GALNT17: variants seen among roughly 807,000 people sequenced by gnomAD.
GALNT17 encodes polypeptide N-acetylgalactosaminyltransferase 17, also known as UDP-GalNAc:polypeptide N-acetylgalactosaminyltransferase-like 3.
GALNT17 carries 29 observed loss-of-function variants against 63.7 expected under a neutral mutation model. The observed-to-expected ratio is 0.46, with a 90% CI of 0.34 to 0.62. The LOEUF (loss-of-function observed/expected upper bound fraction) is 0.62. Among genes scored for constraint, GALNT17 ranks in the 20% least tolerant of loss-of-function variants. GALNT17 has a pLI of 0.01. For missense variants in GALNT17, 603 were observed against 799.6 expected (o/e 0.75, Z 2.97); for synonymous variants, 305 against 318.3 (o/e 0.96, Z 0.45).
At chr7:71,647,602 T>A (rs931121135) in intron 6 of GALNT17, among the ~76,000 whole-genome samples, 1 of 152,208 alleles carries the variant, frequency 6.6e-6, no homozygotes, top group African/African-American at 2.4e-5. Flanking sequence ...GGCTCTGTTT[T>A]CTGCAAGCCT....
chr7:71,632,180 A>G (rs1400659490), intron 6 of GALNT17, among the ~76,000 whole-genome samples: 2 of 152,182 alleles, frequency 1.3e-5, no homozygotes, highest in African/African-American at 4.8e-5. Flanking sequence ...ATTAAGGCTC[A>G]AGATAAGGAA....
At chr7:71,213,430 TA>T (rs1789418834) in intron 1 of GALNT17, among the ~76,000 whole-genome samples, 1 of 150,852 alleles carries the variant, frequency 6.6e-6, no homozygotes, top group African/African-American at 2.4e-5. Flanking sequence ...GGTATTTATT[TA>T]TATGTTTCAT....
chr7:71,246,875 A>T (rs1790109169), intron 1 of GALNT17, among the ~76,000 whole-genome samples: 1 of 149,076 alleles, frequency 6.7e-6, no homozygotes. Context: ...AGAAGCTTGC[A>T]TCTGTCTGAA....
intron 1 of GALNT17, among the ~76,000 whole-genome samples, chr7:71,197,131 C>G (rs1365845340): frequency 6.7e-6 from 1 of 148,880 alleles, no homozygotes; most frequent in Non-Finnish European, 1.5e-5. Flanking sequence ...TCCAGTCATA[C>G]TCTTTTAGTT....
intron 5 of GALNT17, among the ~76,000 whole-genome samples, chr7:71,479,386 T>C (rs1420424112): frequency 2.0e-5 from 3 of 152,196 alleles, no homozygotes; most frequent in Non-Finnish European, 4.4e-5. Context: ...CCTTAACATA[T>C]TCCTGGAATA....
intron 5 of GALNT17, among the ~76,000 whole-genome samples, chr7:71,524,118 A>G (rs1197635937): frequency 6.6e-6 from 1 of 151,102 alleles, no homozygotes; most frequent in African/African-American, 2.4e-5. Context: ...ATGTGTCTCA[A>G]AGAAAAAGAA....
At chr7:71,224,368 A>T (rs1789643902) in intron 1 of GALNT17, among the ~76,000 whole-genome samples, 1 of 152,166 alleles carries the variant, frequency 6.6e-6, no homozygotes, top group African/African-American at 2.4e-5. Flanking sequence ...AACTTTTTTG[A>T]TCATCAAGAT....
intron 8 of GALNT17, among the ~76,000 whole-genome samples, chr7:71,674,344 C>T (rs1562731240): frequency 1.8e-5 from 2 of 113,960 alleles, no homozygotes; most frequent in East Asian, 1.7e-3. Flanking sequence ...ATAGCTCTTC[C>T]TTTTTAAAAA....
chr7:71,491,239 T>G (rs1472384289), intron 5 of GALNT17, among the ~76,000 whole-genome samples: 1 of 152,026 alleles, frequency 6.6e-6, no homozygotes, highest in Non-Finnish European at 1.5e-5. Flanking sequence ...CATTTTGCCC[T>G]TCTGGTGCTC....
At chr7:71,302,671 AC>A (rs1276032238) in intron 1 of GALNT17, among the ~76,000 whole-genome samples, 6 of 152,234 alleles carry the variant, frequency 3.9e-5, no homozygotes, top group Admixed American at 2.0e-4. Context: ...TGGAAAGACT[AC>A]TTTACTGGGT....
chr7:71,335,533 T>C lies in GALNT17; in HGVS notation c.239-17T>C. ...TGGTGGTTTTCTAATAATTCTTTTTTCTCCCACTTTTTCTAGGCTTATCCA... is the reference window on the plus strand; with the variant it reads ...TGGTGGTTTTCTAATAATTCTTTTTCCTCCCACTTTTTCTAGGCTTATCCA... On this transcript the variant is annotated splice_polypyrimidine_tract_variant and intron_variant, in intron 1 of 10. Coordinates refer to ENST00000333538, the MANE Select transcript of GALNT17 (RefSeq NM_022479.3). The C allele has an allele frequency of 6.5e-7, 1 of 1,544,910 alleles. No individual in the cohort carries two copies. The highest frequency in any genetic ancestry group is 1.2e-5 in the South Asian group (1 of 81,218).
At chr7:71,488,889 CTTTTTT>C (rs369124996) in intron 5 of GALNT17, among the ~76,000 whole-genome samples, 14 of 54,722 alleles carry the variant, frequency 2.6e-4, no homozygotes, top group Non-Finnish European at 2.4e-4. Flanking sequence ...GCCAGGTTTC[CTTTTTT>C]TTTTTTTTTT....
chr7:71,198,286 A>T (rs543602966), intron 1 of GALNT17, among the ~76,000 whole-genome samples: 1 of 152,026 alleles, frequency 6.6e-6, no homozygotes, highest in Admixed American at 6.6e-5. Context: ...GTGGCCCCCA[A>T]CAAATGTTGG....
chr7:71,465,805 G>T (rs1214088956), intron 5 of GALNT17, among the ~76,000 whole-genome samples: 1 of 152,174 alleles, frequency 6.6e-6, no homozygotes, highest in African/African-American at 2.4e-5. Flanking sequence ...AGGATGCATG[G>T]CCAAAAACAG....
chr7:71,472,174 T>G (rs557356716), intron 5 of GALNT17, among the ~76,000 whole-genome samples: 1 of 152,190 alleles, frequency 6.6e-6, no homozygotes, highest in African/African-American at 2.4e-5. Context: ...CTAGGGTCCC[T>G]TTTCTAAGGC....
chr7:71,605,584 C>CAA (rs527929802), intron 6 of GALNT17, among the ~76,000 whole-genome samples: 15,141 of 93,670 alleles, frequency 0.16, 1,305 homozygotes, highest in African/African-American at 0.33. Flanking sequence ...GACTCCATCT[C>CAA]AAAAAAAAAA....
At position 71,413,641 on chromosome 7, in the gene GALNT17, G is replaced by A. The variant is rs184939808; in HGVS notation, c.590-2248G>A. The stretch of plus-strand genomic sequence containing the variant: ...CACCTGCCTTGGCCTCCCAAAGTGC[G>A]CCTTCCTATAATTTTTAAACGTATC... On this transcript the variant is annotated intron_variant, in intron 3 of 10. Transcript: ENST00000333538. Among the ~76,000 whole-genome samples, 47 of 151,612 alleles carry A rather than the reference G, an allele frequency of 3.1e-4. 4 individuals are homozygous for A. In the East Asian group the frequency reaches 3.1e-3, roughly 10 times the overall value.
chr7:71,569,374 A>G (rs1789400214), intron 5 of GALNT17, among the ~76,000 whole-genome samples: 1 of 152,066 alleles, frequency 6.6e-6, no homozygotes, highest in South Asian at 2.1e-4. Context: ...TGATCCCATC[A>G]CCTAAATTGT....
At chr7:71,477,925 A>G (rs1200369242) in intron 5 of GALNT17, among the ~76,000 whole-genome samples, 3 of 152,182 alleles carry the variant, frequency 2.0e-5, no homozygotes, top group Non-Finnish European at 2.9e-5. Context: ...TCTGACCATA[A>G]AAACACATTA....
Sources: allele counts gnomAD v4.1 joint callset (sites outside exome capture counted in the v4.1 genomes callset), GRCh38; gene constraint gnomAD v4.1.1; transcripts MANE v1.5; gene names NCBI Gene and HGNC (gene_info 2026-07-23, HGNC 2026-07-21).